Variants in NDUFS4 observed in about 807,000 individuals in gnomAD.
The protein encoded by NDUFS4 is NADH:ubiquinone oxidoreductase subunit S4.
Under a neutral mutation model 24.3 loss-of-function variants are expected in NDUFS4, and 28 were observed. The observed-to-expected ratio is 1.15, with a 90% CI of 0.85 to 1.58. NDUFS4 has a LOEUF of 1.58. Ranked by LOEUF, NDUFS4 falls within the 40% of genes most tolerant of loss-of-function variation. The pLI is 0.00. For missense variants in NDUFS4, 223 were observed against 207.9 expected (o/e 1.07, Z -0.45); for synonymous variants, 93 against 69.7 (o/e 1.34, Z -1.67).
chr5:53,650,813 T>C (rs1016088603), intron 3 of NDUFS4, among the ~76,000 whole-genome samples: 2 of 152,250 alleles, frequency 1.3e-5, no homozygotes, highest in East Asian at 1.9e-4. Flanking sequence ...AGTTTTACTT[T>C]GCTGTGCTTG....
chr5:53,649,342 C>G (rs1360906995), intron 3 of NDUFS4, among the ~76,000 whole-genome samples: 2 of 152,118 alleles, frequency 1.3e-5, no homozygotes, highest in African/African-American at 4.8e-5. Context: ...GGCAGTTTTT[C>G]AACTCTTGCC....
chr5:53,664,536 A>G (rs1752451718), intron 4 of NDUFS4, among the ~76,000 whole-genome samples: 1 of 151,974 alleles, frequency 6.6e-6, no homozygotes, highest in African/African-American at 2.4e-5. Context: ...GTTTCTTTTT[A>G]TTCTTTTTTC....
chr5:53,561,680 T>G (rs1312097501), intron 1 of NDUFS4, among the ~76,000 whole-genome samples: 1 of 152,044 alleles, frequency 6.6e-6, no homozygotes, highest in African/African-American at 2.4e-5. Flanking sequence ...TGGATGCAAG[T>G]GGTTAAAAGT....
intron 1 of NDUFS4, among the ~76,000 whole-genome samples, chr5:53,568,379 G>A (rs969849000): frequency 2.0e-5 from 3 of 151,542 alleles, no homozygotes; most frequent in Non-Finnish European, 4.4e-5. Flanking sequence ...GGCTGAAAAC[G>A]GATTAAAAAA....
intron 2 of NDUFS4, among the ~76,000 whole-genome samples, chr5:53,639,115 T>G (rs1339030019): frequency 6.6e-6 from 1 of 152,028 alleles, no homozygotes; most frequent in Non-Finnish European, 1.5e-5. Flanking sequence ...AAATATACCC[T>G]CATGCTTTAG....
chr5:53,586,454 T>C (rs1034028087), intron 1 of NDUFS4, among the ~76,000 whole-genome samples: 6 of 152,014 alleles, frequency 3.9e-5, no homozygotes, highest in African/African-American at 9.7e-5. Flanking sequence ...GAACAGGCCA[T>C]AGGTAGCAAA....
intron 4 of NDUFS4, among the ~76,000 whole-genome samples, chr5:53,663,415 A>C (rs999641707): frequency 3.9e-5 from 6 of 152,164 alleles, no homozygotes; most frequent in Admixed American, 2.6e-4. Flanking sequence ...TGATCTGTCT[A>C]ATGTTGACAG....
At chr5:53,650,034 A>G (rs1180678371) in intron 3 of NDUFS4, among the ~76,000 whole-genome samples, 4 of 152,184 alleles carry the variant, frequency 2.6e-5, no homozygotes, top group African/African-American at 4.8e-5. Context: ...ACATGCTTCT[A>G]GAAGCTGAAG....
intron 2 of NDUFS4, among the ~76,000 whole-genome samples, chr5:53,609,235 G>A (rs908774259): frequency 2.0e-5 from 3 of 151,920 alleles, no homozygotes; most frequent in Non-Finnish European, 4.4e-5. Flanking sequence ...CTTATGAAAT[G>A]TGTTTCCTAA....
chr5:53,608,451 C>A (rs1261450237), intron 2 of NDUFS4, among the ~76,000 whole-genome samples: 2 of 152,170 alleles, frequency 1.3e-5, no homozygotes, highest in Non-Finnish European at 2.9e-5. Context: ...TCATTTTACT[C>A]ACAGTGGAAC....
At chr5:53,563,243 A>C (rs1748913351) in intron 1 of NDUFS4, among the ~76,000 whole-genome samples, 2 of 150,812 alleles carry the variant, frequency 1.3e-5, no homozygotes, top group African/African-American at 2.4e-5. Flanking sequence ...AAACAAAAAA[A>C]AAAAAAAAAA....
In NDUFS4 at chr5:53,637,848, A is replaced by C. The variant is rs142792961; in HGVS notation, c.178-8385A>C. Among the ~76,000 whole-genome samples, 659 of 152,268 alleles carry C rather than the reference A, an allele frequency of 4.3e-3. 5 individuals are homozygous for C. Among genetic ancestry groups the C allele is most frequent in the African/African-American group, 0.015 (614 of 41,560 alleles). On this transcript the variant is annotated intron_variant, in intron 2 of 4. Transcript: ENST00000296684. Reference sequence around the variant, plus strand: ...CTGAAAGTTACCAGAAATCTGTGTTACAGAGTACTTGTCAGTCTTTTTCAT... The same window carrying C: ...CTGAAAGTTACCAGAAATCTGTGTTCCAGAGTACTTGTCAGTCTTTTTCAT...
intron 1 of NDUFS4, among the ~76,000 whole-genome samples, chr5:53,565,970 G>A (rs56291043): frequency 0.097 from 14,721 of 151,574 alleles, 1,019 homozygotes; most frequent in Admixed American, 0.21. Context: ...TCAGGAGTTC[G>A]AGACCAGCCT....
chr5:53,656,978 A>T (rs935678631), intron 3 of NDUFS4, among the ~76,000 whole-genome samples: 1 of 152,176 alleles, frequency 6.6e-6, no homozygotes, highest in Non-Finnish European at 1.5e-5. Context: ...CTTCCAGTGG[A>T]TGAATGTTGT....
intron 2 of NDUFS4, among the ~76,000 whole-genome samples, chr5:53,636,078 C>T (rs1393704379): frequency 6.6e-6 from 1 of 152,164 alleles, no homozygotes; most frequent in Non-Finnish European, 1.5e-5. Context: ...GAGATGGGGT[C>T]TCACTGTGTG....
chr5:53,606,617 G>A (rs1347752637), intron 2 of NDUFS4, among the ~76,000 whole-genome samples: 1 of 152,088 alleles, frequency 6.6e-6, no homozygotes, highest in Non-Finnish European at 1.5e-5. Flanking sequence ...CACCTGCCTC[G>A]GCCTCCCGAA....
intron 2 of NDUFS4, among the ~76,000 whole-genome samples, chr5:53,637,985 C>T (rs1430759840): frequency 2.0e-5 from 3 of 151,858 alleles, no homozygotes; most frequent in Admixed American, 6.6e-5. Flanking sequence ...TTAAAATGGC[C>T]GTGGTTAAAA....
intron 4 of NDUFS4, among the ~76,000 whole-genome samples, chr5:53,661,066 G>T (rs967029454): frequency 1.3e-5 from 2 of 152,198 alleles, no homozygotes; most frequent in African/African-American, 4.8e-5. Flanking sequence ...TAGACATGAA[G>T]TCCTTGCCCA....
At chr5:53,617,540 C>A (rs1161351981) in intron 2 of NDUFS4, among the ~76,000 whole-genome samples, 2 of 152,006 alleles carry the variant, frequency 1.3e-5, no homozygotes, top group African/African-American at 4.8e-5. Context: ...CTTCTACCGC[C>A]CGTTTTCTTC....
Sources: allele counts gnomAD v4.1 joint callset (sites outside exome capture counted in the v4.1 genomes callset), GRCh38; gene constraint gnomAD v4.1.1; transcripts MANE v1.5; gene names NCBI Gene and HGNC (gene_info 2026-07-23, HGNC 2026-07-21).